PCDHGA5: variants seen among roughly 807,000 people sequenced by gnomAD.
PCDHGA5 encodes the protein protocadherin gamma subfamily A, 5.
Under a neutral mutation model 56.7 loss-of-function variants are expected in PCDHGA5, and 36 were observed. The observed-to-expected ratio is 0.64, with a 90% CI of 0.49 to 0.84. The LOEUF (loss-of-function observed/expected upper bound fraction) is 0.84, where lower values mean the gene tolerates loss of function less well. Among genes scored for constraint, PCDHGA5 ranks in the 40% least tolerant of loss-of-function variants. The pLI, the probability that PCDHGA5 is intolerant of heterozygous loss-of-function variation, is 0.00. For missense variants in PCDHGA5, 1,305 were observed against 1,201.5 expected (o/e 1.09, Z -1.27); for synonymous variants, 563 against 520.2 (o/e 1.08, Z -1.12).
rs151119016 is a variant in PCDHGA5, at chr5:141,489,949, G to C, written c.2422-4858G>C. On this transcript the variant is annotated intron_variant, in intron 1 of 3. Transcript: ENST00000518069. The surrounding 1 kb of genome is among the most constrained non-coding windows in gnomAD (Gnocchi z 4.5). ...CTCTGTCATCGTGCTGGACATCAAT[G>C]ATAATGCTCCAACCTTCCAATCCTC... is the stretch of plus-strand genomic sequence containing the variant. 1 of 1,614,198 alleles carries C rather than the reference G, an allele frequency of 6.2e-7. No individual in the cohort carries two copies. Among genetic ancestry groups the C allele is most frequent in the Non-Finnish European group, 8.5e-7 (1 of 1,180,028 alleles).
In PCDHGA5 at chr5:141,489,153, G is replaced by A; in HGVS notation, c.2422-5654G>A. The A allele has an allele frequency of 1.1e-6, 1 of 935,832 alleles. No homozygotes were observed. The highest frequency in any genetic ancestry group is 1.6e-6 in the Non-Finnish European group (1 of 627,178). 58.0% of individuals were successfully genotyped at this position (935,832 alleles called of 1,614,324 possible). A position where few individuals can be genotyped will look rare whatever the true frequency, so the allele number is the denominator to read the frequency against. ...TTTAAGAGGCTGGAAGGAGACATAA[G>A]AGACTTCAGCTGCTGCATTCCAAGC... On this transcript the variant is annotated intron_variant, in intron 1 of 3. Coordinates refer to ENST00000518069, the MANE Select transcript of PCDHGA5 (RefSeq NM_018918.3). This position sits in a 1 kb window ranked among gnomAD's most constrained non-coding sequence, Gnocchi z 4.5.
chr5:141,364,952 C>G lies in PCDHGA5; in HGVS notation c.622C>G (p.His208Asp). 6.2e-7 allele frequency: 1 copy of G among 1,613,948 alleles called. No individual in the cohort carries two copies. Among genetic ancestry groups the G allele is most frequent in the Non-Finnish European group, 8.5e-7 (1 of 1,179,896 alleles). Residue 208 changes from histidine (H) to aspartate (D), a missense_variant, in exon 1 of 4, where the codon CAC becomes GAC. His to Asp is a moderately conservative substitution (Grantham distance 81, BLOSUM62 -1). Coordinates refer to ENST00000518069, the MANE Select transcript of PCDHGA5 (RefSeq NM_018918.3). Reference protein sequence around the residue: ...QPLDREKETVHDLLLTALDGG... With the variant: ...QPLDREKETVDDLLLTALDGG... ...CCTAGACCGCGAGAAAGAGACTGTT[C>G]ACGACCTCCTCCTCACAGCTTTAGA...
chr5:141,483,121 T>C (rs922863446), intron 1 of PCDHGA5, among the ~76,000 whole-genome samples: 1 of 152,052 alleles, frequency 6.6e-6, no homozygotes, highest in Admixed American at 6.6e-5. Flanking sequence ...ACAGTCTTTG[T>C]AGGAGATGAG....
At chr5:141,374,135 A>G (rs564020884) in intron 1 of PCDHGA5, 17 of 1,605,796 alleles carry the variant, frequency 1.1e-5, no homozygotes, top group Non-Finnish European at 1.4e-5. Context: ...CCTGCTCCTC[A>G]CGCTCCTGGG....
intron 1 of PCDHGA5, chr5:141,371,677 G>A (rs751155238): frequency 1.9e-6 from 3 of 1,613,896 alleles, no homozygotes; most frequent in Non-Finnish European, 2.5e-6. Context: ...ACCGACAAAG[G>A]CAATCCACCG....
rs1326093295 is a variant in PCDHGA5 at position 141,364,677 on chromosome 5, T to TTTC, written c.349_350insCTT (p.Ile116_Tyr117insSer). The stretch of plus-strand genomic sequence containing the variant: ...ATCTTGGTTGAGAACAAAATGAAAA[T>TTTC]TTATGGAGTAGAAGTAGAAATAATC... On this transcript the variant is annotated inframe_insertion, in exon 1 of 4. Coordinates refer to ENST00000518069, the MANE Select transcript of PCDHGA5 (RefSeq NM_018918.3). The TTTC allele has an allele frequency of 3.7e-6, 6 of 1,613,806 alleles. No homozygotes were observed. In the African/African-American group the frequency reaches 6.7e-5, roughly 18 times the overall value.
intron 1 of PCDHGA5, among the ~76,000 whole-genome samples, chr5:141,492,435 C>T (rs191116850): frequency 8.5e-5 from 13 of 152,348 alleles, no homozygotes; most frequent in Admixed American, 8.5e-4. Context: ...CTCAGGAGTA[C>T]TCGTAGCTGA....
At position 141,493,188 on chromosome 5, in the gene PCDHGA5, C is replaced by T. The variant is rs1292810486; in HGVS notation, c.2422-1619C>T. Among the ~76,000 whole-genome samples the T allele has an allele frequency of 2.6e-5, 4 of 152,216 alleles. No individual in the cohort carries two copies. Among genetic ancestry groups the T allele is most frequent in the Non-Finnish European group, 4.4e-5 (3 of 68,046 alleles). ...ATTGAGAGAAACTTACTATATAACT[C>T]CTTTGAGAACCTCATCTCATTTGCT... On this transcript the variant is annotated intron_variant, in intron 1 of 3. Coordinates refer to ENST00000518069, the MANE Select transcript of PCDHGA5 (RefSeq NM_018918.3). The surrounding 1 kb of genome is among the most constrained non-coding windows in gnomAD (Gnocchi z 4.3).
At chr5:141,488,070 C>A (rs777154469) in intron 1 of PCDHGA5, among the ~76,000 whole-genome samples, 3 of 152,076 alleles carry the variant, frequency 2.0e-5, no homozygotes, top group Non-Finnish European at 1.5e-5. Context: ...TCTTTGTCTC[C>A]CAGTATCTAG....
intron 1 of PCDHGA5, chr5:141,415,066 C>G: frequency 6.2e-7 from 1 of 1,613,410 alleles, no homozygotes; most frequent in Non-Finnish European, 8.5e-7. Context: ...GGGCGAGGTG[C>G]GCACGGCGCG....
chr5:141,460,608 T>A (rs2098993153), intron 1 of PCDHGA5, among the ~76,000 whole-genome samples: 1 of 152,186 alleles, frequency 6.6e-6, no homozygotes, highest in Non-Finnish European at 1.5e-5. Context: ...CTGTGTTAGA[T>A]GGATAGATAG....
chr5:141,410,841 G>GT, intron 1 of PCDHGA5: 1 of 214,604 alleles, frequency 4.7e-6, no homozygotes, highest in Non-Finnish European at 7.8e-6. Context: ...AAGATATTTT[G>GT]TCTTTGTCTT....
chr5:141,374,302 G>A (rs769015747), intron 1 of PCDHGA5: 2 of 1,613,984 alleles, frequency 1.2e-6, no homozygotes, highest in Non-Finnish European at 1.7e-6. Flanking sequence ...GTAGGATGCA[G>A]CTTTTCTCTC....
chr5:141,486,901 T>A lies in PCDHGA5; in HGVS notation c.2422-7906T>A. The A allele has an allele frequency of 6.2e-7, 1 of 1,614,238 alleles. No homozygotes were observed. Among genetic ancestry groups the A allele is most frequent in the Non-Finnish European group, 8.5e-7 (1 of 1,180,042 alleles). ...CTCGGGCCCGGCCTGGTTCCTTATG[T>A]CCCCAAGCACTGCCTCCATCAGTTG... On this transcript the variant is annotated intron_variant, in intron 1 of 3. Transcript: ENST00000518069. This position sits in a 1 kb window ranked among gnomAD's most constrained non-coding sequence, Gnocchi z 5.0.
intron 1 of PCDHGA5, among the ~76,000 whole-genome samples, chr5:141,445,318 G>T (rs182520609): frequency 2.0e-4 from 30 of 152,306 alleles, no homozygotes; most frequent in African/African-American, 7.2e-4. Context: ...TAGGTTGAGA[G>T]AACCCATCCA....
intron 1 of PCDHGA5, among the ~76,000 whole-genome samples, chr5:141,481,293 TC>T (rs2099535148): frequency 6.6e-6 from 1 of 152,174 alleles, no homozygotes; most frequent in South Asian, 2.1e-4. Context: ...ATTTCAGTCA[TC>T]TAAGGGAAAA....
intron 1 of PCDHGA5, among the ~76,000 whole-genome samples, chr5:141,387,115 T>C (rs2090824355): frequency 6.6e-6 from 1 of 152,224 alleles, no homozygotes. Context: ...AATATTCCTG[T>C]AATGAAATCA....
intron 2 of PCDHGA5, 143 bp downstream of exon 2, chr5:141,495,008 G>A (rs2099758236): frequency 6.6e-7 from 1 of 1,521,900 alleles, no homozygotes; most frequent in Non-Finnish European, 8.8e-7. Context: ...TGGTGTGCGG[G>A]GGGCTGGCAC....
Position 141,389,889 on chromosome 5 carries a change from G to A in PCDHGA5, c.2421+23138G>A. ...GGTCTTCGCCGACAGCTTGCAGGAG[G>A]TGCTGCCGGATATCACTGACCGCCC... On this transcript the variant is annotated intron_variant, in intron 1 of 3. Transcript: ENST00000518069. 1.9e-6 allele frequency: 3 copies of A among 1,614,086 alleles called. No homozygotes were observed. Among genetic ancestry groups the A allele is most frequent in the Admixed American group, 1.7e-5 (1 of 60,034 alleles).
Sources: gnomAD v4.1 joint callset for allele counts (sites outside exome capture counted in the v4.1 genomes callset) on GRCh38, gnomAD v4.1.1 for gene constraint, Gnocchi (gnomAD v3.1) non-coding constraint, MANE v1.5 for transcripts, NCBI Gene and HGNC (gene_info 2026-07-23, HGNC 2026-07-21) for gene names.